Variants in ULK2 observed in about 807,000 individuals in gnomAD.
ULK2 encodes the protein serine/threonine-protein kinase ULK2.
Under a neutral mutation model 127.5 loss-of-function variants are expected in ULK2, and 76 were observed. That is an observed-to-expected ratio of 0.60 (90% confidence interval 0.50 to 0.72). The LOEUF (loss-of-function observed/expected upper bound fraction) is 0.72, where lower values mean the gene tolerates loss of function less well. Among genes scored for constraint, ULK2 ranks in the 30% least tolerant of loss-of-function variants. The probability of loss-of-function intolerance (pLI) is 0.00; values close to 1 mark genes in which losing one functional copy is unlikely to be tolerated. For synonymous variants in ULK2, 452 were observed against 461.9 expected, an observed-to-expected ratio of 0.98 and a Z score of 0.28; for missense variants, 1,144 against 1,295.9, an observed-to-expected ratio of 0.88 and a Z score of 1.80.
At chr17:19,804,555 A>G (rs1305490525) in intron 15 of ULK2, 138 bp downstream of exon 15, 6 of 829,240 alleles carry the variant, frequency 7.2e-6, no homozygotes, top group African/African-American at 5.2e-5. Flanking sequence ...ATAAAACTTT[A>G]TTATTCAATT....
intron 13 of ULK2, among the ~76,000 whole-genome samples, chr17:19,815,471 C>T (rs189254213): frequency 5.3e-5 from 8 of 152,020 alleles, no homozygotes; most frequent in African/African-American, 1.2e-4. Context: ...TTAGTAGAGA[C>T]GGGGTTTCAC....
intron 14 of ULK2, among the ~76,000 whole-genome samples, chr17:19,809,936 A>G (rs1597744704): frequency 6.6e-6 from 1 of 151,704 alleles, no homozygotes; most frequent in Admixed American, 6.6e-5. Flanking sequence ...AAATTTCAAG[A>G]AAAGAAATAA....
intron 12 of ULK2, among the ~76,000 whole-genome samples, chr17:19,819,775 C>T (rs1597761068): frequency 2.0e-5 from 3 of 152,160 alleles, no homozygotes; most frequent in Admixed American, 6.5e-5. Context: ...AAGATCTGTG[C>T]GCTCTTTGCC....
At chr17:19,792,800 T>C (rs143765552) in intron 20 of ULK2, among the ~76,000 whole-genome samples, 105 of 151,926 alleles carry the variant, frequency 6.9e-4, no homozygotes, top group African/African-American at 2.4e-3. Flanking sequence ...CAAAAATTCA[T>C]ATGGAAACTC....
At chr17:19,849,471 C>A in intron 4 of ULK2, 66 bp from the exon 5 acceptor site, 1 of 1,432,520 alleles carries the variant, frequency 7.0e-7, no homozygotes, top group South Asian at 1.2e-5. Flanking sequence ...AATCCATTCT[C>A]AATTGTGATT....
At chr17:19,846,334 T>G (rs191610450) in intron 6 of ULK2, among the ~76,000 whole-genome samples, 5 of 151,812 alleles carry the variant, frequency 3.3e-5, no homozygotes, top group Admixed American at 2.6e-4. Context: ...AAATATCAGA[T>G]TGCATCAATA....
intron 14 of ULK2, among the ~76,000 whole-genome samples, chr17:19,808,884 C>T (rs1236638574): frequency 6.6e-6 from 1 of 152,124 alleles, no homozygotes; most frequent in Non-Finnish European, 1.5e-5. Context: ...AAAAAGTAAA[C>T]ACAAAATTAC....
In ULK2 at chr17:19,799,579, CAA is replaced by C. The variant is rs11456096; in HGVS notation, c.1442-6_1442-5del. The C allele has an allele frequency of 5.6e-3, 6,616 of 1,176,926 alleles. No homozygotes were observed. Among genetic ancestry groups the C allele is most frequent in the South Asian group, 0.019 (830 of 42,998 alleles). The allele number at this position is 1,176,926 out of a possible 1,614,324, so 72.9% of individuals were successfully genotyped here. Reference sequence around the variant, plus strand: ...AATTGCTCAGGAATGGTACCAACTACAAAAAAAAAAAAAAAAAAGATGGGGAA... The same window carrying C: ...AATTGCTCAGGAATGGTACCAACTACAAAAAAAAAAAAAAAAGATGGGGAA... On this transcript the variant is annotated splice_region_variant and splice_polypyrimidine_tract_variant and intron_variant, in intron 16 of 26. Coordinates refer to ENST00000395544, the MANE Select transcript of ULK2 (RefSeq NM_014683.4).
Position 19,776,175 on chromosome 17 carries a change from C to A in ULK2, c.*174G>T. On this transcript the variant is annotated 3_prime_UTR_variant, in exon 27 of 27. Transcript: ENST00000395544. Reference sequence around the variant, plus strand: ...GATTTTCTCCAATAAGGCAGATTTCCTACAAATATGTAGTTTTTGGATTGT... The same window carrying A: ...GATTTTCTCCAATAAGGCAGATTTCATACAAATATGTAGTTTTTGGATTGT... 1.8e-6 allele frequency: 1 copy of A among 558,848 alleles called. No individual in the cohort carries two copies. The highest frequency in any genetic ancestry group is 3.1e-6 in the Non-Finnish European group (1 of 326,348). 34.6% of individuals were successfully genotyped at this position (558,848 alleles called of 1,614,324 possible). A position where few individuals can be genotyped will look rare whatever the true frequency, so the allele number is the denominator to read the frequency against.
chr17:19,843,728 G>A (rs996828918), intron 7 of ULK2, among the ~76,000 whole-genome samples: 1 of 149,706 alleles, frequency 6.7e-6, no homozygotes, highest in Non-Finnish European at 1.5e-5. Context: ...GCGTGATCTC[G>A]GCTCACTGCA....
At chr17:19,796,891 C>T (rs1197565608) in intron 18 of ULK2, among the ~76,000 whole-genome samples, 1 of 152,220 alleles carries the variant, frequency 6.6e-6, no homozygotes, top group Non-Finnish European at 1.5e-5. Context: ...TTTAAACTCT[C>T]TAAGCCTCAA....
At chr17:19,793,728 C>T (rs1227766786) in intron 20 of ULK2, among the ~76,000 whole-genome samples, 1 of 152,098 alleles carries the variant, frequency 6.6e-6, no homozygotes, top group Non-Finnish European at 1.5e-5. Flanking sequence ...AGCTTAACTC[C>T]TGGCCAGATA....
At position 19,797,718 on chromosome 17, in the gene ULK2, G is replaced by T. The variant is rs574276292; in HGVS notation, c.1523-36C>A. 27 of 1,425,810 alleles carry T rather than the reference G, an allele frequency of 1.9e-5. No homozygotes were observed. In the South Asian group the frequency reaches 4.3e-4, roughly 23 times the overall value. 88.3% of individuals were successfully genotyped at this position (1,425,810 alleles called of 1,614,324 possible). A position where few individuals can be genotyped will look rare whatever the true frequency, so the allele number is the denominator to read the frequency against. On this transcript the variant is annotated intron_variant, in intron 17 of 26. Coordinates refer to ENST00000395544, the MANE Select transcript of ULK2 (RefSeq NM_014683.4). ...AACAAATGTAACATTAACCTGAAGT[G>T]AAGAAGTGCAGTGCAAAAATGTAAA... is the stretch of plus-strand genomic sequence containing the variant.
intron 20 of ULK2, among the ~76,000 whole-genome samples, chr17:19,794,613 T>C (rs2087224906): frequency 6.6e-6 from 1 of 151,876 alleles, no homozygotes; most frequent in African/African-American, 2.4e-5. Flanking sequence ...AAGAAGATAG[T>C]ACAGTGAAAT....
rs930391992 is a variant in ULK2 at position 19,782,169 on chromosome 17, A to T, written c.2461-102T>A. 2.5e-6 allele frequency: 3 copies of T among 1,189,176 alleles called. No homozygotes were observed. In the African/African-American group the frequency reaches 4.6e-5, roughly 18 times the overall value. The allele number at this position is 1,189,176 out of a possible 1,614,324, so 73.7% of individuals were successfully genotyped here. A position where few individuals can be genotyped will look rare whatever the true frequency, so the allele number is the denominator to read the frequency against. ...GCCGCTGATCATGTTTTCTATACTT[A>T]TGAGTATCAGAATGACAAAAGGAGA... On this transcript the variant is annotated intron_variant, in intron 22 of 26. Coordinates refer to ENST00000395544, the MANE Select transcript of ULK2 (RefSeq NM_014683.4).
At chr17:19,781,781 C>A (rs1473805671) in intron 23 of ULK2, 108 bp downstream of exon 23, 21 of 1,287,170 alleles carry the variant, frequency 1.6e-5, no homozygotes, top group Non-Finnish European at 1.1e-5. Flanking sequence ...AGACTCCTAG[C>A]TTTTAATAAT....
chr17:19,833,965 A>C (rs1567711780), intron 10 of ULK2, among the ~76,000 whole-genome samples: 1 of 152,220 alleles, frequency 6.6e-6, no homozygotes, highest in Non-Finnish European at 1.5e-5. Context: ...CAAAAAGATC[A>C]ATAAACTCCA....
chr17:19,853,376 G>T (rs556689298), intron 3 of ULK2, among the ~76,000 whole-genome samples: 1 of 151,732 alleles, frequency 6.6e-6, no homozygotes, highest in Non-Finnish European at 1.5e-5. Flanking sequence ...GGACTCAAGC[G>T]ATCTGCCCAG....
chr17:19,790,141 G>A (rs1355785577), intron 20 of ULK2, among the ~76,000 whole-genome samples: 1 of 152,230 alleles, frequency 6.6e-6, no homozygotes, highest in African/African-American at 2.4e-5. Flanking sequence ...ATAGGGCCGG[G>A]AGTGGTGGCT....
Sources: gnomAD v4.1 joint callset for allele counts (sites outside exome capture counted in the v4.1 genomes callset) on GRCh38, gnomAD v4.1.1 for gene constraint, MANE v1.5 for transcripts, NCBI Gene and HGNC (gene_info 2026-07-23, HGNC 2026-07-21) for gene names.